The following RBPJ variants were observed in gnomAD, a reference collection of about 807,000 sequenced individuals.
The protein encoded by RBPJ is recombining binding protein suppressor of hairless.
Under a neutral mutation model 67.8 loss-of-function variants are expected in RBPJ, and 9 were observed. The observed-to-expected ratio is 0.13, with a 90% CI of 0.08 to 0.23. The LOEUF is 0.23. Ranked by LOEUF, RBPJ falls within the 10% of genes least tolerant of loss-of-function variation. The pLI is 1.00. For synonymous variants in RBPJ, 198 were observed against 203.3 expected (o/e 0.97, Z 0.22); for missense variants, 305 against 595.6 (o/e 0.51, Z 5.08).
chr4:26,319,658 G>C (rs557293578), upstream of RBPJ: 1 of 641,110 alleles, frequency 1.6e-6, no homozygotes, highest in African/African-American at 1.8e-5. Context: ...TGTCTGAGCC[G>C]AGTAGTGGAA....
intron 1 of RBPJ, among the ~76,000 whole-genome samples, chr4:26,168,854 T>G (rs1716429664): frequency 6.6e-6 from 1 of 152,108 alleles, no homozygotes; most frequent in Admixed American, 6.5e-5. Flanking sequence ...TTCTTCCAGT[T>G]GATCACATCG....
upstream of RBPJ, among the ~76,000 whole-genome samples, chr4:26,318,476 G>T (rs533333317): frequency 2.0e-3 from 306 of 152,226 alleles, 1 homozygote; most frequent in African/African-American, 7.0e-3. Flanking sequence ...ATACGGAAAG[G>T]TGACGGAAAG....
upstream of RBPJ, among the ~76,000 whole-genome samples, chr4:26,316,860 A>C: frequency 7.4e-6 from 1 of 135,630 alleles, no homozygotes; most frequent in South Asian, 2.3e-4. Context: ...TTTTTGCAAA[A>C]AACCAACACA....
chr4:26,238,383 T>A (rs913446807), intron 1 of RBPJ, among the ~76,000 whole-genome samples: 1 of 152,212 alleles, frequency 6.6e-6, no homozygotes, highest in African/African-American at 2.4e-5. Flanking sequence ...TTAACTTCTT[T>A]GAGCCTCAGC....
intron 1 of RBPJ, among the ~76,000 whole-genome samples, chr4:26,255,153 C>T (rs1026286205): frequency 1.4e-5 from 2 of 147,546 alleles, no homozygotes; most frequent in Non-Finnish European, 3.0e-5. Flanking sequence ...GCCTGTAATC[C>T]CAGCACTTTG....
chr4:26,373,482 T>C (rs1018891483), intron 1 of RBPJ, among the ~76,000 whole-genome samples: 2 of 152,118 alleles, frequency 1.3e-5, no homozygotes, highest in African/African-American at 4.8e-5. Context: ...TTCAAGTACA[T>C]GAAAATACCA....
intron 1 of RBPJ, among the ~76,000 whole-genome samples, chr4:26,258,716 G>A (rs1720426303): frequency 1.3e-5 from 2 of 152,076 alleles, no homozygotes; most frequent in South Asian, 4.2e-4. Context: ...GAGGGTTTCG[G>A]GAATTTAACC....
At position 26,232,848 on chromosome 4, in the gene RBPJ, T is replaced by G. The variant is rs184405357; in HGVS notation, c.-167+69234T>G. Among the ~76,000 whole-genome samples the G allele has an allele frequency of 9.8e-5, 15 of 152,348 alleles. 2 individuals carry two copies. The highest frequency in any genetic ancestry group is 3.6e-4 in the African/African-American group (15 of 41,588). On this transcript the variant is annotated intron_variant, in intron 1 of 4. Coordinates refer to the RBPJ transcript ENST00000512351. The stretch of plus-strand genomic sequence containing the variant: ...AATCATGAAACCTGTGTCATAAGAC[T>G]TATTACAATTAAATAAATCCCTATA...
chr4:26,111,615 C>T, the RBPJ span, among the ~76,000 whole-genome samples: 34 of 152,342 alleles, frequency 2.2e-4, 2 homozygotes, highest in African/African-American at 7.7e-4. Flanking sequence ...CCTTCCCCAG[C>T]CTCCAGTCCC....
intron 1 of RBPJ, among the ~76,000 whole-genome samples, chr4:26,211,735 T>C (rs1718429608): frequency 6.6e-6 from 1 of 152,122 alleles, no homozygotes; most frequent in Non-Finnish European, 1.5e-5. Flanking sequence ...CCCTACCTGT[T>C]ATAGGTTAAA....
At chr4:26,190,846 CATTG>C (rs1717455815) in intron 1 of RBPJ, among the ~76,000 whole-genome samples, 1 of 151,984 alleles carries the variant, frequency 6.6e-6, no homozygotes, top group Non-Finnish European at 1.5e-5. Context: ...AACATACATA[CATTG>C]AAATGTATAG....
At chr4:26,193,144 A>G (rs1399323047) in intron 1 of RBPJ, among the ~76,000 whole-genome samples, 1 of 152,194 alleles carries the variant, frequency 6.6e-6, no homozygotes. Flanking sequence ...ATTAAGATCC[A>G]TGTCACCTTC....
chr4:26,349,833 C>T (rs1726611354), intron 1 of RBPJ, among the ~76,000 whole-genome samples: 1 of 152,188 alleles, frequency 6.6e-6, no homozygotes, highest in South Asian at 2.1e-4. Context: ...TACTTTGTGC[C>T]ATTCTGCCTT....
chr4:26,408,410 G>A (rs1215761909), intron 3 of RBPJ, among the ~76,000 whole-genome samples: 9 of 150,766 alleles, frequency 6.0e-5, no homozygotes, highest in Non-Finnish European at 7.4e-5. Context: ...TTTTTCCCAC[G>A]AAGTTGATAT....
rs528930703 is a variant in RBPJ, at chr4:26,390,317, G to T, written c.59+3926G>T. Among the ~76,000 whole-genome samples the T allele has an allele frequency of 8.5e-5, 13 of 152,236 alleles. No homozygotes were observed. In the South Asian group the frequency reaches 2.7e-3, roughly 32 times the overall value. ...CAACATGCTGATTGGTGAAACACTG[G>T]ATGTTTTTCCTCTAACATTAGGAAC... On this transcript the variant is annotated intron_variant, in intron 2 of 10. Transcript: ENST00000355476.
At chr4:26,202,778 A>G (rs1468616153) in intron 1 of RBPJ, among the ~76,000 whole-genome samples, 1 of 151,800 alleles carries the variant, frequency 6.6e-6, no homozygotes, top group African/African-American at 2.4e-5. Flanking sequence ...GCATGGTGAC[A>G]CGCCCCTGTA....
chr4:26,108,267 C>G, the RBPJ span, among the ~76,000 whole-genome samples: 234 of 152,268 alleles, frequency 1.5e-3, 1 homozygote, highest in African/African-American at 5.4e-3. Flanking sequence ...TCTCCTTGAA[C>G]CCTCCCACGA....
Position 26,199,049 on chromosome 4 carries a change from C to G in RBPJ, c.-167+35435C>G, listed in dbSNP as rs534912183. ...TCCGGGACTTTTTCTTCTTCCCCAA[C>G]TAAAACTCTGCACCCATTAAACTCC... On this transcript the variant is annotated intron_variant, in intron 1 of 4. Transcript: ENST00000512351. Among the ~76,000 whole-genome samples, 3 of 152,246 alleles carry G rather than the reference C, an allele frequency of 2.0e-5. No individual in the cohort carries two copies. In the South Asian group the frequency reaches 6.3e-4, roughly 32 times the overall value.
intron 1 of RBPJ, among the ~76,000 whole-genome samples, chr4:26,331,575 C>T (rs778145286): frequency 8.5e-5 from 13 of 152,168 alleles, no homozygotes; most frequent in African/African-American, 2.2e-4. Context: ...ATGGTCAGCT[C>T]GGAGCCTGCC....
Sources: gnomAD v4.1 joint callset for allele counts (sites outside exome capture counted in the v4.1 genomes callset) on GRCh38, gnomAD v4.1.1 for gene constraint, MANE v1.5 for transcripts, NCBI Gene and HGNC (gene_info 2026-07-23, HGNC 2026-07-21) for gene names.